Variants in LAMA3 observed in about 807,000 individuals in gnomAD.
The protein encoded by LAMA3 is laminin subunit alpha 3, also known as laminin subunit alpha-3.
LAMA3 carries 281 observed loss-of-function variants against 402.0 expected under a neutral mutation model. The observed-to-expected ratio is 0.70, with a 90% CI of 0.63 to 0.77. LAMA3 has a LOEUF of 0.77. Ranked by LOEUF, LAMA3 falls within the 30% of genes least tolerant of loss-of-function variation. The probability of loss-of-function intolerance (pLI) is 0.00; values close to 1 mark genes in which losing one functional copy is unlikely to be tolerated. For synonymous variants in LAMA3, 1,431 were observed against 1,558.4 expected, an observed-to-expected ratio of 0.92 and a Z score of 1.93; for missense variants, 3,840 against 4,215.5, an observed-to-expected ratio of 0.91 and a Z score of 2.47.
rs764153557 is a variant in LAMA3, at chr18:23,758,476, G to A, written c.1028G>A (p.Arg343Gln). ...ACAGGGTACAATCAGAGGCGCTGGC[G>A]GCCCGCCGCTTGGGAGCAGAGCCAC... ...CCTGYNQRRWRPAAWEQSHEC... is the reference protein window; with the variant it reads ...CCTGYNQRRWQPAAWEQSHEC... The change falls in exon 7 of 75, where the codon CGG becomes CAG. Residue 343 changes from arginine to glutamine, a missense_variant. This residue lies in a region of LAMA3 where 2,109 missense variants were observed against 2,376.0 expected (regional missense o/e 0.89). Coordinates refer to ENST00000313654, the MANE Select transcript of LAMA3 (RefSeq NM_198129.4). The A allele has an allele frequency of 9.9e-5, 159 of 1,613,712 alleles. 5 individuals are homozygous for A. The South Asian group carries it at 1.1e-3, about 11-fold the overall frequency.
intron 74 of LAMA3, 113 bp from the exon 75 acceptor site, chr18:23,954,390 A>G: frequency 2.3e-6 from 2 of 884,018 alleles, no homozygotes; most frequent in South Asian, 3.0e-5. Context: ...GTAACAGAGC[A>G]GGACCCTGTC....
At chr18:23,951,602 G>A (rs1473845141) in intron 72 of LAMA3, 82 bp from the exon 73 acceptor site, 10 of 1,091,180 alleles carry the variant, frequency 9.2e-6, no homozygotes, top group South Asian at 1.3e-5. Context: ...CAGTTGGCCC[G>A]GTTTGGGGAG....
chr18:23,879,477 C>T lies in LAMA3; in HGVS notation c.5113-2459C>T, dbSNP rs761477402. Reference sequence around the variant, plus strand: ...TGGCACACTTGTGTCCTATTTTCCACGTGATATTGAATACGTCTATTCACA... The same window carrying T: ...TGGCACACTTGTGTCCTATTTTCCATGTGATATTGAATACGTCTATTCACA... On this transcript the variant is annotated intron_variant, in intron 39 of 74. Transcript: ENST00000313654. The surrounding 1 kb of genome is among the most constrained non-coding windows in gnomAD (Gnocchi z 4.2). Among the ~76,000 whole-genome samples, 37 of 152,202 alleles carry T rather than the reference C, an allele frequency of 2.4e-4. No individual in the cohort carries two copies. The highest frequency in any genetic ancestry group is 8.5e-4 in the Admixed American group (13 of 15,278).
chr18:23,940,193 A>G (rs2082449425), intron 68 of LAMA3, among the ~76,000 whole-genome samples: 1 of 152,186 alleles, frequency 6.6e-6, no homozygotes, highest in African/African-American at 2.4e-5. Flanking sequence ...GAGCCCGCAG[A>G]TGGCTGTGGG....
intron 9 of LAMA3, among the ~76,000 whole-genome samples, chr18:23,775,191 C>T (rs969335235): frequency 6.6e-6 from 1 of 152,198 alleles, no homozygotes; most frequent in Admixed American, 6.5e-5. Context: ...GGGAGGTCGA[C>T]AATCTTCTTA....
chr18:23,719,857 G>T (rs1283962346), intron 2 of LAMA3, among the ~76,000 whole-genome samples: 1 of 152,100 alleles, frequency 6.6e-6, no homozygotes, highest in African/African-American at 2.4e-5. Flanking sequence ...TCACTAAGGA[G>T]GGTGACTCAG....
At chr18:23,785,870 A>G (rs966798295) in intron 12 of LAMA3, among the ~76,000 whole-genome samples, 1 of 152,214 alleles carries the variant, frequency 6.6e-6, no homozygotes, top group Non-Finnish European at 1.5e-5. Context: ...TATGGATACA[A>G]AGATAATGAA....
chr18:23,758,421 A>C lies in LAMA3; in HGVS notation c.973A>C (p.Thr325Pro), dbSNP rs1598733472. 1 of 1,614,094 alleles carries C rather than the reference A, an allele frequency of 6.2e-7. No homozygotes were observed. The highest frequency in any genetic ancestry group is 1.1e-5 in the South Asian group (1 of 91,070). ...GTTTCGGTGTGAATGCCAGCACCAC[A>C]CCTGTGGGGAGACGTGTGATCGCTG... ...KLFRCECQHH[T>P]CGETCDRCCT... Residue 325 changes from threonine (T) to proline (P), a missense_variant, in exon 7 of 75, where the codon ACC (threonine) becomes CCC (proline). Physicochemically the swap from Thr to Pro is conservative, Grantham distance 38 (BLOSUM62 -1). Coordinates refer to ENST00000313654, the MANE Select transcript of LAMA3 (RefSeq NM_198129.4).
chr18:23,721,748 A>G (rs1220454968), intron 2 of LAMA3, among the ~76,000 whole-genome samples: 1 of 152,070 alleles, frequency 6.6e-6, no homozygotes, highest in Non-Finnish European at 1.5e-5. Context: ...AGTGGAACCC[A>G]TGGCAGCTCT....
At chr18:23,932,085 C>A (rs2082177085) in intron 65 of LAMA3, 75 bp from the exon 66 acceptor site, 1 of 1,538,508 alleles carries the variant, frequency 6.5e-7, no homozygotes, top group Non-Finnish European at 9.0e-7. Context: ...GAGTCTTAGA[C>A]AGTGAGTTGG....
chr18:23,689,833 T>G lies in LAMA3; in HGVS notation c.150T>G (p.Thr50=). Residue 50 remains threonine (T), a synonymous_variant, in exon 1 of 75, where the codon ACT becomes ACG. Transcript: ENST00000313654. ...GAAAGLSLHP[T]YFNLAEAARI... The stretch of plus-strand genomic sequence containing the variant: ...CGGCCGGGCTCAGCCTTCACCCGAC[T>G]TACTTCAACCTGGCCGAGGCGGCGA... The G allele has an allele frequency of 6.4e-7, 1 of 1,552,868 alleles. No individual in the cohort carries two copies. The highest frequency in any genetic ancestry group is 2.4e-5 in the East Asian group (1 of 40,912).
chr18:23,727,577 C>T (rs951550659), intron 2 of LAMA3, among the ~76,000 whole-genome samples: 2 of 152,146 alleles, frequency 1.3e-5, no homozygotes, highest in Non-Finnish European at 2.9e-5. Flanking sequence ...CTGCCTGCCT[C>T]GGCCTCCCAA....
chr18:23,949,617 T>A, intron 70 of LAMA3, 148 bp from the exon 71 acceptor site: 1 of 795,210 alleles, frequency 1.3e-6, no homozygotes, highest in Non-Finnish European at 2.1e-6. Context: ...AGAACCTGAG[T>A]TTGAAGAACC....
At chr18:23,883,548 C>G (rs1307520611) in intron 40 of LAMA3, among the ~76,000 whole-genome samples, 1 of 152,204 alleles carries the variant, frequency 6.6e-6, no homozygotes, top group Non-Finnish European at 1.5e-5. Context: ...TGGGCCAAGT[C>G]CTAACATCAC....
intron 2 of LAMA3, among the ~76,000 whole-genome samples, chr18:23,716,253 G>A (rs1036956910): frequency 4.6e-5 from 7 of 151,766 alleles, no homozygotes; most frequent in Non-Finnish European, 8.8e-5. Context: ...TGCCTCCCAC[G>A]CTCAAGTGAT....
Position 23,914,473 on chromosome 18 carries a change from G to C in LAMA3, c.7393G>C (p.Gly2465Arg). Residue 2465 changes from glycine (G) to arginine (R), a missense_variant, in exon 57 of 75, where the codon GGG becomes CGG. This residue lies in a region of LAMA3 where 891 missense variants were observed against 857.5 expected (regional missense o/e 1.04). Transcript: ENST00000313654. ...DGQLTCVYNL[G>R]DREAELQVDQ... ...CCAGCTCACCTGTGTCTACAACCTGGGGGACCGTGAGGCTGAACTCCAAGT... is the reference window on the plus strand; with the variant it reads ...CCAGCTCACCTGTGTCTACAACCTGCGGGACCGTGAGGCTGAACTCCAAGT... 1 of 1,614,096 alleles carries C rather than the reference G, an allele frequency of 6.2e-7. No individual in the cohort carries two copies. The highest frequency in any genetic ancestry group is 8.5e-7 in the Non-Finnish European group (1 of 1,180,004).
Position 23,928,631 on chromosome 18 carries a change from C to T in LAMA3, c.8302C>T (p.Arg2768Ter), listed in dbSNP as rs998162536. 1.2e-6 allele frequency: 2 copies of T among 1,613,892 alleles called. No individual in the cohort carries two copies. Among genetic ancestry groups the T allele is most frequent in the Non-Finnish European group, 8.5e-7 (1 of 1,179,768 alleles). The change falls in exon 64 of 75, where the codon CGA becomes TGA. Residue 2768 changes from arginine to a stop codon, truncating the protein, a stop_gained. Coordinates refer to ENST00000313654, the MANE Select transcript of LAMA3 (RefSeq NM_198129.4). LOFTEE classifies it high-confidence loss of function. ...TTCCATGTTTGCATTTCAGCTTGTG[C>T]GATCTGCCTCATTCTCCAGAGGAGG... ...KKCSEDWKLV[R>*]SASFSRGGQL...
rs1355157361 is a variant in LAMA3, at chr18:23,912,861, A to C, written c.7309A>C (p.Met2437Leu). Reference protein sequence around the residue: ...ENGGTENMFVMYLGNKDASRD... With the variant: ...ENGGTENMFVLYLGNKDASRD... ...TGGGGGTACTGAGAATATGTTTGTG[A>C]TGTACCTTGGAAATAAAGATGTAAG... The change falls in exon 56 of 75, where the codon ATG becomes CTG. Residue 2437 changes from methionine (M) to leucine (L), a missense_variant. Coordinates refer to ENST00000313654, the MANE Select transcript of LAMA3 (RefSeq NM_198129.4). 1 of 1,613,840 alleles carries C rather than the reference A, an allele frequency of 6.2e-7. No individual in the cohort carries two copies. The highest frequency in any genetic ancestry group is 8.5e-7 in the Non-Finnish European group (1 of 1,179,876).
intron 12 of LAMA3, among the ~76,000 whole-genome samples, chr18:23,793,135 A>G (rs1010957359): frequency 5.3e-5 from 8 of 152,112 alleles, no homozygotes; most frequent in African/African-American, 1.7e-4. Context: ...GCTAGTTTGA[A>G]TATTTCAGTG....
Sources: allele counts gnomAD v4.1 joint callset (sites outside exome capture counted in the v4.1 genomes callset), GRCh38; gene constraint gnomAD v4.1.1; regional missense constraint gnomAD v4.1.1; non-coding constraint Gnocchi (gnomAD v3.1); transcripts MANE v1.5; gene names NCBI Gene and HGNC (gene_info 2026-07-23, HGNC 2026-07-21).